The following AGAP1 variants were observed in gnomAD, a reference collection of about 807,000 sequenced individuals.
The protein encoded by AGAP1 is arf-GAP with GTPase, ANK repeat and PH domain-containing protein 1.
Under a neutral mutation model 105.3 loss-of-function variants are expected in AGAP1, and 29 were observed. The observed-to-expected ratio is 0.28, with a 90% CI of 0.21 to 0.38. The LOEUF (loss-of-function observed/expected upper bound fraction) is 0.38. Among genes scored for constraint, AGAP1 ranks in the 10% least tolerant of loss-of-function variants. The pLI, the probability that AGAP1 is intolerant of heterozygous loss-of-function variation, is 1.00. For synonymous variants in AGAP1, 509 were observed against 485.9 expected (o/e 1.05, Z -0.63); for missense variants, 998 against 1,165.1 (o/e 0.86, Z 2.09).
intron 1 of AGAP1, among the ~76,000 whole-genome samples, chr2:235,683,510 A>G (rs900744593): frequency 4.7e-5 from 7 of 150,498 alleles, no homozygotes; most frequent in Admixed American, 4.6e-4. Flanking sequence ...TTATACAAAT[A>G]AAACTTATAG....
Position 235,962,352 on chromosome 2 carries a change from C to T in AGAP1, c.1484-6110C>T, listed in dbSNP as rs1161552844. Among the ~76,000 whole-genome samples the T allele has an allele frequency of 6.6e-6, 1 of 152,058 alleles. No individual in the cohort carries two copies. Among genetic ancestry groups the T allele is most frequent in the East Asian group, 1.9e-4 (1 of 5,170 alleles). On this transcript the variant is annotated intron_variant, in intron 12 of 17. Transcript: ENST00000304032. The surrounding 1 kb of genome is among the most constrained non-coding windows in gnomAD (Gnocchi z 5.3). The stretch of plus-strand genomic sequence containing the variant: ...CTGGAAGTCAGTGAAGTTGGGGCTT[C>T]CTACTCAGGAGAGATGGTGGGAGAA...
At chr2:235,854,655 G>C (rs1046191576) in intron 9 of AGAP1, among the ~76,000 whole-genome samples, 1 of 152,220 alleles carries the variant, frequency 6.6e-6, no homozygotes, top group African/African-American at 2.4e-5. Context: ...TGGTGGACTT[G>C]GGGATGTTTC....
At chr2:235,892,985 G>A (rs1376301102) in intron 10 of AGAP1, among the ~76,000 whole-genome samples, 1 of 152,194 alleles carries the variant, frequency 6.6e-6, no homozygotes, top group African/African-American at 2.4e-5. Context: ...GCACGCTGCT[G>A]CAGAAGGCGT....
rs2124880341 is a variant in AGAP1, at chr2:235,888,253, A to G, written c.1155+4804A>G. Among the ~76,000 whole-genome samples the G allele has an allele frequency of 6.6e-6, 1 of 152,068 alleles. No individual in the cohort carries two copies. The highest frequency in any genetic ancestry group is 1.9e-4 in the East Asian group (1 of 5,140). ...ATCTCAGGATTATTTGTTCTTTAGG[A>G]TCAAACCGAGAAGGTGGAATCGAGG... is the stretch of plus-strand genomic sequence containing the variant. On this transcript the variant is annotated intron_variant, in intron 10 of 17. Transcript: ENST00000304032. This position sits in a 1 kb window ranked among gnomAD's most constrained non-coding sequence, Gnocchi z 4.8.
In AGAP1 at chr2:235,882,308, C is replaced by T. The variant is rs2050065263; in HGVS notation, c.1051-1037C>T. 1.3e-6 allele frequency: 1 copy of T among 773,154 alleles called. No individual in the cohort carries two copies. Among genetic ancestry groups the T allele is most frequent in the Non-Finnish European group, 2.1e-6 (1 of 483,342 alleles). The allele number at this position is 773,154 out of a possible 1,614,324, so 47.9% of individuals were successfully genotyped here. Reference sequence around the variant, plus strand: ...GTCCATCTTGCAGGTCGCTCTTCCTCCACATCACAACTGGGGTCTTAAGGA... The same window carrying T: ...GTCCATCTTGCAGGTCGCTCTTCCTTCACATCACAACTGGGGTCTTAAGGA... On this transcript the variant is annotated intron_variant, in intron 9 of 17. Transcript: ENST00000304032. This position sits in a 1 kb window ranked among gnomAD's most constrained non-coding sequence, Gnocchi z 4.6.
chr2:236,116,067 G>C (rs1219717705), intron 16 of AGAP1, among the ~76,000 whole-genome samples: 1 of 151,880 alleles, frequency 6.6e-6, no homozygotes, highest in African/African-American at 2.4e-5. Flanking sequence ...CGGCCTCCCG[G>C]AGTGTGAGGA....
chr2:235,827,507 C>G (rs1959137289), intron 9 of AGAP1, among the ~76,000 whole-genome samples: 1 of 152,212 alleles, frequency 6.6e-6, no homozygotes, highest in African/African-American at 2.4e-5. Flanking sequence ...TAATGGTTCA[C>G]ATTGAGTAGG....
chr2:236,034,741 C>T (rs1288808947), intron 13 of AGAP1, among the ~76,000 whole-genome samples: 2 of 152,234 alleles, frequency 1.3e-5, no homozygotes, highest in Non-Finnish European at 2.9e-5. Flanking sequence ...GCCAGGGCCT[C>T]AGGCCCGACC....
intron 14 of AGAP1, among the ~76,000 whole-genome samples, chr2:236,039,858 C>T (rs1015512136): frequency 4.6e-5 from 7 of 152,094 alleles, no homozygotes; most frequent in East Asian, 3.9e-4. Context: ...TATGGATGGC[C>T]GTATGATTGT....
intron 9 of AGAP1, among the ~76,000 whole-genome samples, chr2:235,854,896 T>C (rs770028723): frequency 7.9e-5 from 12 of 152,092 alleles, no homozygotes; most frequent in Non-Finnish European, 1.5e-4. Flanking sequence ...TCCTCAGAAG[T>C]GTAGATCGTT....
chr2:235,923,049 A>G (rs1387310313), intron 11 of AGAP1, among the ~76,000 whole-genome samples: 1 of 152,230 alleles, frequency 6.6e-6, no homozygotes, highest in African/African-American at 2.4e-5. Context: ...ATGGTAATGC[A>G]GTCACCCCCT....
chr2:235,623,239 G>C lies in AGAP1; in HGVS notation c.164-85940G>C, dbSNP rs1014173023. ...GATGGACTGTTTTGGAGATTTATGCGTGTTCTGCAGGCTGACCTCTGCTTG... is the reference window on the plus strand; with the variant it reads ...GATGGACTGTTTTGGAGATTTATGCCTGTTCTGCAGGCTGACCTCTGCTTG... On this transcript the variant is annotated intron_variant, in intron 1 of 17. Transcript: ENST00000304032. The surrounding 1 kb of genome is among the most constrained non-coding windows in gnomAD (Gnocchi z 4.5). Among the ~76,000 whole-genome samples, 1 of 152,332 alleles carries C rather than the reference G, an allele frequency of 6.6e-6. No homozygotes were observed. Among genetic ancestry groups the C allele is most frequent in the East Asian group, 1.9e-4 (1 of 5,186 alleles).
rs796626182 is a variant in AGAP1, at chr2:236,109,679, A to C, written c.2115-10513A>C. Among the ~76,000 whole-genome samples, 106 of 152,296 alleles carry C rather than the reference A, an allele frequency of 7.0e-4. 1 individual carries two copies. The highest frequency in any genetic ancestry group is 2.3e-3 in the African/African-American group (97 of 41,584). ...GTCGGCGGCAGCGTCGGTGCTCTGGACCGGCAGCCGTGGAAACGTTCTGGA... is the reference window on the plus strand; with the variant it reads ...GTCGGCGGCAGCGTCGGTGCTCTGGCCCGGCAGCCGTGGAAACGTTCTGGA... On this transcript the variant is annotated intron_variant, in intron 16 of 17. Coordinates refer to ENST00000304032, the MANE Select transcript of AGAP1 (RefSeq NM_001037131.3). The surrounding 1 kb of genome is among the most constrained non-coding windows in gnomAD (Gnocchi z 5.4).
rs942468275 is a variant in AGAP1, at chr2:235,733,187, CT to C, written c.311-7775del. ...TCATTGTTCCCCTTGAGGTGCCCCC[CT>C]GCGTGGGTCACTTCTCCCGCTCACC... On this transcript the variant is annotated intron_variant, in intron 3 of 17. Coordinates refer to ENST00000304032, the MANE Select transcript of AGAP1 (RefSeq NM_001037131.3). The surrounding 1 kb of genome is among the most constrained non-coding windows in gnomAD (Gnocchi z 5.0). Among the ~76,000 whole-genome samples, 14 of 152,316 alleles carry C rather than the reference CT, an allele frequency of 9.2e-5. No homozygotes were observed. The South Asian group carries it at 2.5e-3, about 27-fold the overall frequency.
At chr2:235,813,888 C>T (rs146904860) in intron 9 of AGAP1, among the ~76,000 whole-genome samples, 1 of 152,130 alleles carries the variant, frequency 6.6e-6, no homozygotes, top group East Asian at 1.9e-4. Flanking sequence ...GCCAGAAGGG[C>T]GATGGAGTGG....
In AGAP1 at chr2:236,087,317, G is replaced by A. The variant is rs1265360241; in HGVS notation, c.2115-32875G>A. On this transcript the variant is annotated intron_variant, in intron 16 of 17. Transcript: ENST00000304032. This position sits in a 1 kb window ranked among gnomAD's most constrained non-coding sequence, Gnocchi z 5.7. ...AGAGGAAGCCAGAGCCCGGGGTGGGGGCGGGAGCGGGGGCTAGCTGTGGGT... is the reference window on the plus strand; with the variant it reads ...AGAGGAAGCCAGAGCCCGGGGTGGGAGCGGGAGCGGGGGCTAGCTGTGGGT... 1.3e-5 allele frequency among the ~76,000 whole-genome samples: 2 copies of A among 152,114 alleles called. No individual in the cohort carries two copies. The highest frequency in any genetic ancestry group is 1.9e-4 in the East Asian group (1 of 5,172).
chr2:235,772,058 C>T (rs1176033060), intron 6 of AGAP1, among the ~76,000 whole-genome samples: 3 of 141,308 alleles, frequency 2.1e-5, no homozygotes, highest in South Asian at 4.3e-4. Context: ...CGCAGTGGTG[C>T]GATCTTGGCT....
chr2:235,653,412 C>A (rs1043972953), intron 1 of AGAP1, among the ~76,000 whole-genome samples: 1 of 151,864 alleles, frequency 6.6e-6, no homozygotes, highest in Middle Eastern at 3.4e-3. Context: ...TGCAGTGAGC[C>A]GAGATAGCGC....
At position 236,050,850 on chromosome 2, in the gene AGAP1, C is replaced by T. The variant is rs75099841; in HGVS notation, c.2114+1569C>T. Among the ~76,000 whole-genome samples, 394 of 152,232 alleles carry T rather than the reference C, an allele frequency of 2.6e-3. 11 individuals carry two copies. The East Asian group carries it at 0.052, about 20-fold the overall frequency. On this transcript the variant is annotated intron_variant, in intron 16 of 17. Transcript: ENST00000304032. This position sits in a 1 kb window ranked among gnomAD's most constrained non-coding sequence, Gnocchi z 4.0. The stretch of plus-strand genomic sequence containing the variant: ...TTTGGAATTATTCGAAGCAAAGATA[C>T]GGGTTCATGTTTTACCTGATAAATG...
Sources: gnomAD v4.1 joint callset for allele counts (sites outside exome capture counted in the v4.1 genomes callset) on GRCh38, gnomAD v4.1.1 for gene constraint, Gnocchi (gnomAD v3.1) non-coding constraint, MANE v1.5 for transcripts, NCBI Gene and HGNC (gene_info 2026-07-23, HGNC 2026-07-21) for gene names.